KDM4C: variants seen among roughly 807,000 people sequenced by gnomAD.
KDM4C encodes the protein lysine-specific demethylase 4C.
Under a neutral mutation model 129.3 loss-of-function variants are expected in KDM4C, and 81 were observed. The observed-to-expected ratio is 0.63, with a 90% CI of 0.52 to 0.75. The LOEUF (loss-of-function observed/expected upper bound fraction) is 0.75. KDM4C is among the 30% of genes least tolerant of loss of function. The pLI is 0.00. For synonymous variants in KDM4C, 573 were observed against 456.1 expected, an observed-to-expected ratio of 1.26 and a Z score of -3.26; for missense variants, 1,457 against 1,304.0, an observed-to-expected ratio of 1.12 and a Z score of -1.81.
At chr9:6,730,614 CAA>C (rs36043237) in intron 1 of KDM4C, among the ~76,000 whole-genome samples, 7 of 109,538 alleles carry the variant, frequency 6.4e-5, no homozygotes, top group Admixed American at 1.9e-4. Flanking sequence ...GACTCTGTCT[CAA>C]AAAAAAAAAA....
At chr9:6,948,888 A>G (rs899439211) in intron 8 of KDM4C, among the ~76,000 whole-genome samples, 16 of 152,280 alleles carry the variant, frequency 1.1e-4, no homozygotes, top group Admixed American at 5.9e-4. Flanking sequence ...ACTTCTTTCT[A>G]CACAGATGCA....
At chr9:7,054,166 T>G (rs1830568254) in intron 17 of KDM4C, among the ~76,000 whole-genome samples, 1 of 152,188 alleles carries the variant, frequency 6.6e-6, no homozygotes, top group Admixed American at 6.5e-5. Flanking sequence ...CTTTGTAGGA[T>G]AATAGGAGGC....
At chr9:6,807,602 T>G (rs1194435680) in intron 3 of KDM4C, among the ~76,000 whole-genome samples, 1 of 149,428 alleles carries the variant, frequency 6.7e-6, no homozygotes, top group African/African-American at 2.5e-5. Flanking sequence ...GGAGCGTTTC[T>G]GCCCAGCCGC....
rs777893941 is a variant in KDM4C, at chr9:7,169,809, A to G, written c.2913A>G (p.Glu971=). 5.6e-6 allele frequency: 9 copies of G among 1,603,512 alleles called. No individual in the cohort carries two copies. In the South Asian group the frequency reaches 7.7e-5, roughly 14 times the overall value. ...NIAHMYQVEF[E]DGSQIAMKRE... is the part of the protein sequence containing the mutation. ...TTATCTTTCATTAGGTTGAGTTTGA[A>G]GATGGATCCCAGATAGCAATGAAGA... Residue 971 remains glutamate, a synonymous_variant, in exon 21 of 22, where the codon GAA becomes GAG. Transcript: ENST00000381309.
In KDM4C at chr9:7,003,919, C is replaced by T. The variant is rs573221179; in HGVS notation, c.1787-7779C>T. 7.2e-5 allele frequency among the ~76,000 whole-genome samples: 11 copies of T among 152,280 alleles called. No homozygotes were observed. The South Asian group carries it at 1.0e-3, about 14-fold the overall frequency. The stretch of plus-strand genomic sequence containing the variant: ...GCACTTATCCCACCCCACTACACCC[C>T]CCATTCCCTGCAGGATGTTTGAAAC... On this transcript the variant is annotated intron_variant, in intron 12 of 21. Coordinates refer to ENST00000381309, the MANE Select transcript of KDM4C (RefSeq NM_015061.6).
chr9:7,082,921 C>G (rs890358215), intron 17 of KDM4C, among the ~76,000 whole-genome samples: 11 of 152,118 alleles, frequency 7.2e-5, no homozygotes, highest in African/African-American at 2.7e-4. Context: ...AGGACTTTTT[C>G]TTTGTTTACT....
intron 17 of KDM4C, among the ~76,000 whole-genome samples, chr9:7,073,854 C>CA (rs1833548678): frequency 6.6e-6 from 1 of 152,172 alleles, no homozygotes; most frequent in South Asian, 2.1e-4. Flanking sequence ...CTGTCAGAGA[C>CA]AGCTAAAAGC....
At chr9:6,852,419 A>C (rs1564161401) in intron 5 of KDM4C, among the ~76,000 whole-genome samples, 1 of 152,126 alleles carries the variant, frequency 6.6e-6, no homozygotes, top group African/African-American at 2.4e-5. Context: ...CCCAAGTCAC[A>C]AGGTTAGCCA....
At chr9:6,924,204 A>G (rs1422705982) in intron 8 of KDM4C, among the ~76,000 whole-genome samples, 1 of 152,160 alleles carries the variant, frequency 6.6e-6, no homozygotes, top group East Asian at 1.9e-4. Flanking sequence ...TACTGGTTGC[A>G]TGTGCTTTTT....
intron 1 of KDM4C, among the ~76,000 whole-genome samples, chr9:6,747,788 G>T (rs751156129): frequency 5.9e-5 from 9 of 152,288 alleles, no homozygotes; most frequent in Non-Finnish European, 1.3e-4. Context: ...TGAGCAGCCC[G>T]CTCTGATCTA....
intron 8 of KDM4C, among the ~76,000 whole-genome samples, chr9:6,932,608 T>G (rs1283540725): frequency 6.6e-6 from 1 of 152,152 alleles, no homozygotes; most frequent in African/African-American, 2.4e-5. Context: ...AGGAGGAAAC[T>G]GAGGCAAAGA....
In KDM4C at chr9:6,984,390, A is replaced by T. The variant is rs148637235; in HGVS notation, c.1340A>T (p.His447Leu). The T allele has an allele frequency of 4.3e-6, 7 of 1,609,626 alleles. No homozygotes were observed. The highest frequency in any genetic ancestry group is 6.0e-6 in the Non-Finnish European group (7 of 1,176,144). The change falls in exon 10 of 22, where the codon CAT becomes CTT. Residue 447 changes from histidine to leucine, a missense_variant. By Grantham distance (99) the His-to-Leu change is moderately conservative (BLOSUM62 -3). Coordinates refer to ENST00000381309, the MANE Select transcript of KDM4C (RefSeq NM_015061.6). ...RMQVEQNLSD[H>L]IKLSGNSCLS... ...CAGGTGGAGCAGAATTTATCAGATC[A>T]TATCAAACTCTCAGGTGAGAAGATG...
chr9:6,994,746 T>G (rs1279933250), intron 12 of KDM4C, among the ~76,000 whole-genome samples: 1 of 152,354 alleles, frequency 6.6e-6, no homozygotes, highest in Non-Finnish European at 1.5e-5. Context: ...GGAAATAGTC[T>G]CCCTATATAT....
intron 8 of KDM4C, among the ~76,000 whole-genome samples, chr9:6,963,702 A>T (rs113703609): frequency 2.0e-5 from 3 of 152,140 alleles, no homozygotes; most frequent in Admixed American, 6.5e-5. Flanking sequence ...TTCTCTTGCA[A>T]TGTGTCCTGT....
At chr9:6,753,937 C>G (rs555323858), upstream of KDM4C, among the ~76,000 whole-genome samples, 1 of 137,858 alleles carries the variant, frequency 7.3e-6, no homozygotes, top group South Asian at 2.3e-4. Context: ...TGCAGTGGCA[C>G]GACCTCGACT....
intron 17 of KDM4C, chr9:7,077,150 G>C: frequency 1.0e-6 from 1 of 985,410 alleles, no homozygotes; most frequent in Non-Finnish European, 1.2e-6. Flanking sequence ...CAGATGTTGA[G>C]AACGGACCTG....
Position 6,861,520 on chromosome 9 carries a change from AG to A in KDM4C, c.629+11821del, listed in dbSNP as rs1160770251. 3.3e-5 allele frequency among the ~76,000 whole-genome samples: 5 copies of A among 152,242 alleles called. No homozygotes were observed. In the South Asian group the frequency reaches 8.3e-4, roughly 25 times the overall value. On this transcript the variant is annotated intron_variant, in intron 5 of 21. Transcript: ENST00000381309. ...TTAGAATTATAGAAAACTGCTTATTAGAAATGTTCAGCCACTCTACCATATT... is the reference window on the plus strand; with the variant it reads ...TTAGAATTATAGAAAACTGCTTATTAAAATGTTCAGCCACTCTACCATATT...
intron 3 of KDM4C, among the ~76,000 whole-genome samples, chr9:6,812,583 A>G (rs1831358079): frequency 6.6e-6 from 1 of 152,170 alleles, no homozygotes; most frequent in Non-Finnish European, 1.5e-5. Flanking sequence ...AACAGGGTTC[A>G]TACTCCTATG....
At chr9:6,896,326 C>T (rs908033360) in intron 8 of KDM4C, among the ~76,000 whole-genome samples, 1 of 152,044 alleles carries the variant, frequency 6.6e-6, no homozygotes, top group Non-Finnish European at 1.5e-5. Context: ...GGTGATGCCA[C>T]CTGCTTTACC....
Sources: allele counts gnomAD v4.1 joint callset (sites outside exome capture counted in the v4.1 genomes callset), GRCh38; gene constraint gnomAD v4.1.1; transcripts MANE v1.5; gene names NCBI Gene and HGNC (gene_info 2026-07-23, HGNC 2026-07-21).